Variants in CRACD observed in about 807,000 individuals in gnomAD.
CRACD encodes capping protein inhibiting regulator of actin dynamics.
CRACD carries 56 observed loss-of-function variants against 106.8 expected under a neutral mutation model. The ratio of observed to expected loss-of-function variants is 0.52; its 90% CI spans 0.42 to 0.66. The LOEUF (loss-of-function observed/expected upper bound fraction) is 0.66, where lower values mean the gene tolerates loss of function less well. Among genes scored for constraint, CRACD ranks in the 30% least tolerant of loss-of-function variants. The probability of loss-of-function intolerance (pLI) is 0.00; values close to 1 mark genes in which losing one functional copy is unlikely to be tolerated. For missense variants in CRACD, 1,730 were observed against 1,623.2 expected, an observed-to-expected ratio of 1.07 and a Z score of -1.13; for synonymous variants, 754 against 670.8, an observed-to-expected ratio of 1.12 and a Z score of -1.92.
chr4:56,106,774 G>A (rs1255238450), intron 1 of CRACD, among the ~76,000 whole-genome samples: 1 of 152,136 alleles, frequency 6.6e-6, no homozygotes, highest in Admixed American at 6.5e-5. Context: ...GAACACCATT[G>A]AGCTGTGATA....
At chr4:56,066,441 G>C (rs1213571685) in intron 1 of CRACD, among the ~76,000 whole-genome samples, 1 of 152,136 alleles carries the variant, frequency 6.6e-6, no homozygotes, top group Non-Finnish European at 1.5e-5. Flanking sequence ...ACTTTGAGAG[G>C]CTGGGGTGGG....
chr4:56,084,910 T>C (rs1733162408), intron 1 of CRACD, among the ~76,000 whole-genome samples: 1 of 152,216 alleles, frequency 6.6e-6, no homozygotes, highest in South Asian at 2.1e-4. Context: ...TCGGATTGCA[T>C]ATAAAGCTGC....
chr4:56,279,775 C>T (rs1236609750), intron 3 of CRACD, among the ~76,000 whole-genome samples: 1 of 152,132 alleles, frequency 6.6e-6, no homozygotes, highest in Non-Finnish European at 1.5e-5. Context: ...CCATTTGACC[C>T]AGCCATCCCA....
At chr4:56,234,649 G>T (rs1210134544) in intron 2 of CRACD, among the ~76,000 whole-genome samples, 1 of 152,128 alleles carries the variant, frequency 6.6e-6, no homozygotes, top group East Asian at 1.9e-4. Flanking sequence ...TGATTAAAGA[G>T]TCAACCAAGA....
At chr4:56,113,758 G>A (rs976639) in intron 1 of CRACD, among the ~76,000 whole-genome samples, 48,553 of 151,958 alleles carry the variant, frequency 0.32, 8,851 homozygotes, top group African/African-American at 0.5. Context: ...TATACTTAGT[G>A]GTGTCCTCAG....
At chr4:56,306,846 CG>C (rs1438850248) in intron 4 of CRACD, among the ~76,000 whole-genome samples, 2 of 152,200 alleles carry the variant, frequency 1.3e-5, no homozygotes, top group Admixed American at 6.5e-5. Context: ...TCCTTTGTCA[CG>C]GTTAGGTGGC....
chr4:56,053,654 T>C (rs1322154321), intron 1 of CRACD, among the ~76,000 whole-genome samples: 1 of 152,242 alleles, frequency 6.6e-6, no homozygotes, highest in Non-Finnish European at 1.5e-5. Flanking sequence ...CCACTGCTCT[T>C]GCATTATAGC....
At chr4:56,140,324 T>G (rs1487301635) in intron 1 of CRACD, among the ~76,000 whole-genome samples, 3 of 152,160 alleles carry the variant, frequency 2.0e-5, no homozygotes, top group African/African-American at 7.2e-5. Flanking sequence ...CTGAATGAGT[T>G]TGGGGAAGGC....
chr4:56,125,835 G>A (rs377114535), intron 1 of CRACD, among the ~76,000 whole-genome samples: 29 of 133,656 alleles, frequency 2.2e-4, no homozygotes, highest in East Asian at 1.4e-3. Flanking sequence ...GCAATGGCAC[G>A]ATCTTGGCTC....
At chr4:56,053,258 T>C (rs1731933947) in intron 1 of CRACD, among the ~76,000 whole-genome samples, 1 of 152,208 alleles carries the variant, frequency 6.6e-6, no homozygotes, top group Non-Finnish European at 1.5e-5. Context: ...GCTAAAAGTA[T>C]TTACTTTGTA....
At chr4:56,134,823 G>A (rs4864571) in intron 1 of CRACD, among the ~76,000 whole-genome samples, 42,837 of 151,970 alleles carry the variant, frequency 0.28, 6,075 homozygotes, top group Middle Eastern at 0.35. Context: ...CAGATGTCAG[G>A]GAAGAAGGGA....
At chr4:56,159,239 C>G (rs1735864009) in intron 1 of CRACD, among the ~76,000 whole-genome samples, 1 of 152,204 alleles carries the variant, frequency 6.6e-6, no homozygotes, top group African/African-American at 2.4e-5. Context: ...GAACAGGTCT[C>G]TTTTATCGAT....
Position 56,314,760 on chromosome 4 carries a change from A to C in CRACD, c.1258A>C (p.Ser420Arg), listed in dbSNP as rs771851887. ...AHLEDWRGQL[S>R]ELLNDFEERL... ...CCTGGAGGACTGGAGGGGGCAGCTC[A>C]GTGAGCTTCTGAACGACTTTGAGGA... Residue 420 changes from serine (S) to arginine (R), a missense_variant, in exon 8 of 11, where the codon AGT becomes CGT. By Grantham distance (110) the Ser-to-Arg change is moderately radical. Transcript: ENST00000682029. The surrounding 1 kb of genome is among the most constrained non-coding windows in gnomAD (Gnocchi z 4.4). 6.3e-7 allele frequency: 1 copy of C among 1,590,392 alleles called. No homozygotes were observed. The highest frequency in any genetic ancestry group is 2.3e-5 in the East Asian group (1 of 44,156).
At chr4:56,255,113 C>CAAAAA (rs5858370) in intron 2 of CRACD, among the ~76,000 whole-genome samples, 1 of 74,780 alleles carries the variant, frequency 1.3e-5, no homozygotes, top group Non-Finnish European at 2.6e-5. Flanking sequence ...GACTCCATCT[C>CAAAAA]AAAAAAAAAA....
At chr4:56,278,292 T>C (rs1185889453) in intron 3 of CRACD, among the ~76,000 whole-genome samples, 1 of 152,198 alleles carries the variant, frequency 6.6e-6, no homozygotes, top group Non-Finnish European at 1.5e-5. Context: ...AACAGTGAAG[T>C]ACTGGTATAA....
intron 1 of CRACD, among the ~76,000 whole-genome samples, chr4:56,130,737 T>C (rs576101378): frequency 1.6e-3 from 241 of 152,316 alleles, no homozygotes; most frequent in African/African-American, 5.6e-3. Context: ...TTTCTTTTCA[T>C]GGGACAAAAT....
rs1216473845 is a variant in CRACD at position 56,313,236 on chromosome 4, T to C, written c.394T>C (p.Ser132Pro). The stretch of plus-strand genomic sequence containing the variant: ...ACCGTCTCGGCCAAAAAGGCACTTC[T>C]CTTCTGCTGGCACCATCGAAAGTGT... ...VKPSRPKRHF[S>P]SAGTIESVNL... Residue 132 changes from serine to proline, a missense_variant, in exon 7 of 11, where the codon TCT (serine) becomes CCT (proline). Around this residue, in one of 5 missense-constraint regions of CRACD, gnomAD observed 1,620 missense variants for 1,481.6 expected, o/e 1.09. Coordinates refer to ENST00000682029, the MANE Select transcript of CRACD (RefSeq NM_001393381.1). 6.2e-7 allele frequency: 1 copy of C among 1,614,180 alleles called. No individual in the cohort carries two copies. Among genetic ancestry groups the C allele is most frequent in the East Asian group, 2.2e-5 (1 of 44,866 alleles).
chr4:56,201,690 A>C (rs1253566160), intron 2 of CRACD, among the ~76,000 whole-genome samples: 1 of 152,184 alleles, frequency 6.6e-6, no homozygotes, highest in Non-Finnish European at 1.5e-5. Flanking sequence ...AGTTTTGAAA[A>C]TTGTTTTTCA....
intron 2 of CRACD, among the ~76,000 whole-genome samples, chr4:56,268,450 G>GT (rs989775739): frequency 1.8e-5 from 2 of 112,084 alleles, no homozygotes; most frequent in African/African-American, 8.7e-5. Context: ...GCAGTGTTGG[G>GT]TAAAAAAAGC....
Sources: allele counts gnomAD v4.1 joint callset (sites outside exome capture counted in the v4.1 genomes callset), GRCh38; gene constraint gnomAD v4.1.1; regional missense constraint gnomAD v4.1.1; non-coding constraint Gnocchi (gnomAD v3.1); transcripts MANE v1.5; gene names NCBI Gene and HGNC (gene_info 2026-07-23, HGNC 2026-07-21).